The following KCNN2 variants were observed in gnomAD, a reference collection of about 807,000 sequenced individuals.
KCNN2 encodes the protein potassium calcium-activated channel subfamily N member 2, also known as small conductance calcium-activated potassium channel protein 2.
In KCNN2, 24 loss-of-function variants were observed where a neutral mutation model predicts 55.5. The observed-to-expected ratio is 0.43, with a 90% confidence interval of 0.31 to 0.61. The LOEUF (loss-of-function observed/expected upper bound fraction) is 0.61, where lower values mean the gene tolerates loss of function less well. Ranked by LOEUF, KCNN2 falls within the 20% of genes least tolerant of loss-of-function variation. The pLI is 0.08. For synonymous variants in KCNN2, 431 were observed against 336.1 expected (o/e 1.28, Z -3.09); for missense variants, 754 against 853.6 (o/e 0.88, Z 1.45).
intron 5 of KCNN2, 64 bp downstream of exon 5, chr5:114,473,228 A>G (rs1486200274): frequency 5.5e-6 from 6 of 1,087,470 alleles, no homozygotes; most frequent in East Asian, 5.1e-5. Context: ...GTTAGGAAAT[A>G]TGGTTTTTAT....
intron 1 of KCNN2, among the ~76,000 whole-genome samples, chr5:114,085,433 T>C (rs1750994292): frequency 6.6e-6 from 1 of 152,040 alleles, no homozygotes; most frequent in South Asian, 2.1e-4. Context: ...AGTTAAGTAT[T>C]TCATTTTTTG....
chr5:114,380,661 A>G (rs1758091408), intron 2 of KCNN2, among the ~76,000 whole-genome samples: 1 of 152,202 alleles, frequency 6.6e-6, no homozygotes, highest in African/African-American at 2.4e-5. Flanking sequence ...TCATTATTGT[A>G]TTCATCATTA....
chr5:114,489,884 A>G (rs1386832254), intron 6 of KCNN2, among the ~76,000 whole-genome samples: 2 of 152,138 alleles, frequency 1.3e-5, no homozygotes, highest in African/African-American at 4.8e-5. Context: ...AATTCATTCG[A>G]TAGATCACTC....
chr5:114,056,397 CG>C (rs1750207849), exon 1 of KCNN2: 2 of 398,494 alleles, frequency 5.0e-6, no homozygotes, highest in Non-Finnish European at 8.8e-6. Context: ...TCAGTGGACT[CG>C]ATCTTCAGCT....
intron 3 of KCNN2, among the ~76,000 whole-genome samples, chr5:114,426,258 T>A (rs187372041): frequency 6.5e-4 from 99 of 152,322 alleles, no homozygotes; most frequent in Middle Eastern, 3.4e-3. Flanking sequence ...GTGGTAGATT[T>A]TGTCAAATAC....
At chr5:114,389,481 T>C (rs1212346016) in intron 2 of KCNN2, among the ~76,000 whole-genome samples, 2 of 152,166 alleles carry the variant, frequency 1.3e-5, no homozygotes, top group East Asian at 3.9e-4. Flanking sequence ...TTCTCCAAGA[T>C]GGAGATAATT....
chr5:114,278,054 A>C (rs1358117601), intron 2 of KCNN2, among the ~76,000 whole-genome samples: 2 of 151,910 alleles, frequency 1.3e-5, no homozygotes, highest in Admixed American at 1.3e-4. Flanking sequence ...GATGTTGATG[A>C]TATTACTTTC....
chr5:114,107,489 A>G (rs1313461974), intron 1 of KCNN2, among the ~76,000 whole-genome samples: 1 of 151,918 alleles, frequency 6.6e-6, no homozygotes, highest in African/African-American at 2.4e-5. Flanking sequence ...GGCTCAAGTG[A>G]TCCTTCTACC....
At chr5:114,489,883 G>A (rs970950241) in intron 6 of KCNN2, among the ~76,000 whole-genome samples, 6 of 152,084 alleles carry the variant, frequency 3.9e-5, no homozygotes, top group East Asian at 1.9e-4. Flanking sequence ...AAATTCATTC[G>A]ATAGATCACT....
chr5:114,437,957 T>C (rs575225940), intron 3 of KCNN2, among the ~76,000 whole-genome samples: 1 of 152,324 alleles, frequency 6.6e-6, no homozygotes, highest in East Asian at 1.9e-4. Context: ...TATCATCCAG[T>C]TCTAGGAGCA....
At chr5:114,484,006 A>T (rs1453278143) in intron 5 of KCNN2, among the ~76,000 whole-genome samples, 1 of 152,178 alleles carries the variant, frequency 6.6e-6, no homozygotes, top group Non-Finnish European at 1.5e-5. Flanking sequence ...GCAATAATTC[A>T]TCCATTATAT....
intron 1 of KCNN2, among the ~76,000 whole-genome samples, chr5:114,083,914 A>C (rs1322869157): frequency 6.6e-6 from 1 of 151,952 alleles, no homozygotes; most frequent in East Asian, 1.9e-4. Flanking sequence ...GCTGTTTTTG[A>C]ATGTTGGAAT....
chr5:114,257,307 G>A (rs1033786282), intron 2 of KCNN2, among the ~76,000 whole-genome samples: 3 of 151,746 alleles, frequency 2.0e-5, no homozygotes, highest in Admixed American at 6.6e-5. Context: ...CTCCAGCTTT[G>A]TTCTTTTTCT....
At chr5:114,294,296 T>C (rs1755961871) in intron 2 of KCNN2, among the ~76,000 whole-genome samples, 1 of 152,132 alleles carries the variant, frequency 6.6e-6, no homozygotes, top group Non-Finnish European at 1.5e-5. Context: ...GGGTGTCAAT[T>C]TTGGATCTTT....
chr5:114,059,334 A>G (rs903021063), intron 1 of KCNN2, among the ~76,000 whole-genome samples: 1 of 152,234 alleles, frequency 6.6e-6, no homozygotes, highest in Non-Finnish European at 1.5e-5. Context: ...AAATGCTATC[A>G]TACAGCCAAG....
intron 2 of KCNN2, among the ~76,000 whole-genome samples, chr5:114,323,869 A>C (rs1409413969): frequency 1.3e-5 from 2 of 151,782 alleles, no homozygotes; most frequent in Admixed American, 6.6e-5. Flanking sequence ...GGATGGTCTT[A>C]ATCTCTTGAC....
At chr5:114,109,436 G>A (rs906540479) in intron 1 of KCNN2, among the ~76,000 whole-genome samples, 2 of 152,006 alleles carry the variant, frequency 1.3e-5, no homozygotes, top group African/African-American at 4.8e-5. Context: ...CAGGGGAGGG[G>A]ATTGTACAAG....
chr5:114,314,335 A>G (rs191033966), intron 2 of KCNN2, among the ~76,000 whole-genome samples: 11 of 152,248 alleles, frequency 7.2e-5, no homozygotes, highest in Non-Finnish European at 1.0e-4. Flanking sequence ...TTTGTTAACT[A>G]AAGTCCATAT....
At chr5:114,244,767 A>G (rs1481342491) in intron 2 of KCNN2, among the ~76,000 whole-genome samples, 6 of 152,280 alleles carry the variant, frequency 3.9e-5, no homozygotes, top group East Asian at 1.9e-4. Flanking sequence ...GTTTATGTCA[A>G]TTAACGGTGG....
Sources: allele counts gnomAD v4.1 joint callset (sites outside exome capture counted in the v4.1 genomes callset), GRCh38; gene constraint gnomAD v4.1.1; transcripts MANE v1.5; gene names NCBI Gene and HGNC (gene_info 2026-07-23, HGNC 2026-07-21).